The following ZNF106 variants were observed in gnomAD, a reference collection of about 807,000 sequenced individuals.
ZNF106 encodes the protein zinc finger protein 106, also known as SH3-domain binding protein 3.
ZNF106 carries 67 observed loss-of-function variants against 195.1 expected under a neutral mutation model. The ratio of observed to expected loss-of-function variants is 0.34; its 90% CI spans 0.28 to 0.42. The LOEUF (loss-of-function observed/expected upper bound fraction) is 0.42. Ranked by LOEUF, ZNF106 falls within the 10% of genes least tolerant of loss-of-function variation. ZNF106 has a pLI of 1.00. For missense variants in ZNF106, 2,118 were observed against 2,304.5 expected (o/e 0.92, Z 1.66); for synonymous variants, 784 against 818.6 (o/e 0.96, Z 0.72).
At chr15:42,476,472 C>A (rs1177279051) in intron 1 of ZNF106, among the ~76,000 whole-genome samples, 1 of 152,126 alleles carries the variant, frequency 6.6e-6, no homozygotes, top group Non-Finnish European at 1.5e-5. Context: ...CTACTGCCAT[C>A]CTCACTTTAG....
At chr15:42,466,319 C>A (rs1026205315) in intron 2 of ZNF106, among the ~76,000 whole-genome samples, 1 of 151,956 alleles carries the variant, frequency 6.6e-6, no homozygotes, top group Non-Finnish European at 1.5e-5. Context: ...AAAAAGAATT[C>A]TTAAAAAGAC....
At chr15:42,442,435 A>G (rs1220007335) in intron 9 of ZNF106, 21 bp from the exon 10 acceptor site, 3 of 1,566,758 alleles carry the variant, frequency 1.9e-6, no homozygotes, top group African/African-American at 2.7e-5. Flanking sequence ...AAACATACAT[A>G]CATAGAAATG....
chr15:42,468,572 G>A (rs1240473983), intron 2 of ZNF106, among the ~76,000 whole-genome samples: 8 of 150,574 alleles, frequency 5.3e-5, no homozygotes, highest in Admixed American at 2.0e-4. Flanking sequence ...GTGATACCCC[G>A]TCTCTACTAA....
At chr15:42,481,354 G>GTT (rs1376284600) in intron 1 of ZNF106, among the ~76,000 whole-genome samples, 1 of 94,298 alleles carries the variant, frequency 1.1e-5, no homozygotes, top group Non-Finnish European at 2.1e-5. Flanking sequence ...TTTTTTTTTT[G>GTT]TTGTTTTTTT....
rs2054332147 is a variant in ZNF106 at position 42,413,320 on chromosome 15, TC to T, written c.*3983del. 1 of 152,150 alleles carries T rather than the reference TC, an allele frequency of 6.6e-6. No homozygotes were observed. Among genetic ancestry groups the T allele is most frequent in the Non-Finnish European group, 1.5e-5 (1 of 68,018 alleles). The allele number at this position is 152,150 out of a possible 1,614,324, so 9.4% of individuals were successfully genotyped here. On this transcript the variant is annotated 3_prime_UTR_variant, in exon 22 of 22. Transcript: ENST00000564754. ...TTCTATTCCTGTCTATTAGACCACT[TC>T]TCTTAAACCCGAGGAACCTGATGAT...
At chr15:42,464,578 A>T (rs1595484043) in intron 3 of ZNF106, among the ~76,000 whole-genome samples, 2 of 119,728 alleles carry the variant, frequency 1.7e-5, no homozygotes, top group East Asian at 2.7e-4. Flanking sequence ...ACCAGGCTGG[A>T]GTGTGGTGGT....
chr15:42,427,889 G>A, intron 15 of ZNF106, 129 bp downstream of exon 15: 2 of 680,876 alleles, frequency 2.9e-6, no homozygotes, highest in East Asian at 2.6e-5. Context: ...CTGTGTTTGA[G>A]TAGTGGCTAA....
intron 3 of ZNF106, chr15:42,457,407 G>A: frequency 1.5e-6 from 2 of 1,371,586 alleles, no homozygotes; most frequent in Non-Finnish European, 1.9e-6. Flanking sequence ...TTTAGGAGGA[G>A]AAATCTTCTT....
chr15:42,419,154 A>C (rs555846848), intron 20 of ZNF106, among the ~76,000 whole-genome samples: 15 of 151,866 alleles, frequency 9.9e-5, no homozygotes, highest in African/African-American at 2.9e-4. Context: ...GGATCACCTG[A>C]GGTCAGGAGT....
chr15:42,472,307 C>G lies in ZNF106; in HGVS notation c.-18G>C. On this transcript the variant is annotated 5_prime_UTR_variant, in exon 2 of 22. Transcript: ENST00000564754. Reference sequence around the variant, plus strand: ...CGTACCATAGTGACCAGATCTGAAGCACTCAACGTCACAGCTGCAATGAGG... The same window carrying G: ...CGTACCATAGTGACCAGATCTGAAGGACTCAACGTCACAGCTGCAATGAGG... The G allele has an allele frequency of 6.5e-7, 1 of 1,534,482 alleles. No homozygotes were observed. The highest frequency in any genetic ancestry group is 1.2e-5 in the South Asian group (1 of 83,676).
chr15:42,455,913 A>T (rs1567021682), intron 4 of ZNF106, among the ~76,000 whole-genome samples: 1 of 152,218 alleles, frequency 6.6e-6, no homozygotes, highest in Non-Finnish European at 1.5e-5. Context: ...CTCATTAATT[A>T]AACTCTTTTT....
chr15:42,444,777 C>A, intron 8 of ZNF106, 50 bp downstream of exon 8: 6 of 1,601,958 alleles, frequency 3.7e-6, no homozygotes, highest in Non-Finnish European at 4.3e-6. Context: ...CAGCACAAAA[C>A]AAGATTTCGG....
rs896572189 is a variant in ZNF106 at position 42,482,027 on chromosome 15, T to A, written c.-33+8953A>T. On this transcript the variant is annotated intron_variant, in intron 1 of 21. Coordinates refer to ENST00000564754, the MANE Select transcript of ZNF106 (RefSeq NM_001366845.3). ...CACTGAGGATGTATTTCTTTTTCCC[T>A]CCCACTCTTCCTTCAACTTTAATTT... Among the ~76,000 whole-genome samples, 4 of 152,254 alleles carry A rather than the reference T, an allele frequency of 2.6e-5. No homozygotes were observed. In the South Asian group the frequency reaches 8.3e-4, roughly 32 times the overall value.
chr15:42,473,019 A>C (rs562007152), intron 1 of ZNF106, among the ~76,000 whole-genome samples: 2 of 152,162 alleles, frequency 1.3e-5, no homozygotes, highest in East Asian at 1.9e-4. Context: ...AAAAAAAAAA[A>C]AAAACAAGTT....
intron 1 of ZNF106, among the ~76,000 whole-genome samples, chr15:42,477,694 A>G (rs1011094416): frequency 1.1e-4 from 17 of 152,184 alleles, no homozygotes; most frequent in African/African-American, 3.6e-4. Flanking sequence ...TTCCAAGACC[A>G]GCGTGACCAA....
chr15:42,423,522 C>T (rs771348852), intron 17 of ZNF106, among the ~76,000 whole-genome samples: 10 of 151,882 alleles, frequency 6.6e-5, no homozygotes, highest in East Asian at 3.9e-4. Flanking sequence ...AATTACAGGA[C>T]GCACTGCCAT....
At chr15:42,481,338 TTC>T (rs1030993921) in intron 1 of ZNF106, among the ~76,000 whole-genome samples, 15 of 147,032 alleles carry the variant, frequency 1.0e-4, no homozygotes, top group Admixed American at 1.3e-4. Context: ...TTCATATTCT[TTC>T]TGTTTTTTTT....
chr15:42,440,732 C>A (rs984201949), intron 10 of ZNF106, among the ~76,000 whole-genome samples: 2 of 151,538 alleles, frequency 1.3e-5, no homozygotes, highest in African/African-American at 4.8e-5. Context: ...TCTGTAATCC[C>A]AGCACTTTGG....
rs779854934 is a variant in ZNF106, at chr15:42,421,021, C to T, written c.5517+40G>A. ...TATCAATTAGCCTAGGGTGAAGCAA[C>T]CTATAGAAGTCCAGTGACAGGAAGA... is the stretch of plus-strand genomic sequence containing the variant. On this transcript the variant is annotated intron_variant, in intron 20 of 21. Transcript: ENST00000564754. The T allele has an allele frequency of 5.7e-6, 9 of 1,588,974 alleles. No individual in the cohort carries two copies. The Admixed American group carries it at 1.5e-4, about 26-fold the overall frequency.
Sources: gnomAD v4.1 joint callset for allele counts (sites outside exome capture counted in the v4.1 genomes callset) on GRCh38, gnomAD v4.1.1 for gene constraint, MANE v1.5 for transcripts, NCBI Gene and HGNC (gene_info 2026-07-23, HGNC 2026-07-21) for gene names.